VSTM2L: variants seen among roughly 807,000 people sequenced by gnomAD.
VSTM2L encodes V-set and transmembrane domain-containing protein 2-like protein.
In VSTM2L, 9 loss-of-function variants were observed where a neutral mutation model predicts 19.9. That is an observed-to-expected ratio of 0.45 (90% CI 0.27 to 0.79). The LOEUF is 0.79. Among genes scored for constraint, VSTM2L ranks in the 30% least tolerant of loss-of-function variants. The pLI is 0.15. For missense variants in VSTM2L, 286 were observed against 295.5 expected (o/e 0.97, Z 0.24); for synonymous variants, 127 against 133.8 (o/e 0.95, Z 0.35).
chr20:37,914,349 G>A (rs1568835184), intron 1 of VSTM2L, among the ~76,000 whole-genome samples: 11 of 150,646 alleles, frequency 7.3e-5, no homozygotes, highest in Admixed American at 2.0e-4. Flanking sequence ...ATGTGTGCAT[G>A]TGTGTGGGGT....
At chr20:37,907,068 T>G (rs2072755399) in intron 1 of VSTM2L, among the ~76,000 whole-genome samples, 1 of 152,188 alleles carries the variant, frequency 6.6e-6, no homozygotes, top group African/African-American at 2.4e-5. Flanking sequence ...GCTGCCAGAA[T>G]GGTTATTTGA....
intron 3 of VSTM2L, among the ~76,000 whole-genome samples, chr20:37,941,865 C>A (rs1316137692): frequency 2.0e-5 from 3 of 151,216 alleles, no homozygotes; most frequent in African/African-American, 7.3e-5. Flanking sequence ...CCCCTCCCAC[C>A]ACCACCACCC....
chr20:37,943,601 A>T (rs2072986665), intron 3 of VSTM2L, among the ~76,000 whole-genome samples: 1 of 151,924 alleles, frequency 6.6e-6, no homozygotes, highest in South Asian at 2.1e-4. Context: ...CACCCGGAAG[A>T]CCCCAAAACC....
In VSTM2L at chr20:37,944,083, G is replaced by A. The variant is rs1488030828; in HGVS notation, c.445G>A (p.Asp149Asn). 5 of 1,612,938 alleles carry A rather than the reference G, an allele frequency of 3.1e-6. No individual in the cohort carries two copies. The Admixed American group carries it at 6.7e-5, about 22-fold the overall frequency. Residue 149 changes from aspartate (D) to asparagine (N), a missense_variant, in exon 4 of 4, where the codon GAC (aspartate) becomes AAC (asparagine). Physicochemically the swap from Asp to Asn is conservative, Grantham distance 23. Transcript: ENST00000373461. ...CGAGTGCCGCGTCATCGACTTCAGC[G>A]ACGGCAAGGCCCGGCACCACAAGGT... ...TYECRVIDFS[D>N]GKARHHKVKA...
chr20:37,936,480 G>A (rs1246439152), intron 3 of VSTM2L, among the ~76,000 whole-genome samples: 1 of 152,224 alleles, frequency 6.6e-6, no homozygotes, highest in East Asian at 1.9e-4. Flanking sequence ...CTCATAGGGA[G>A]ATCATTTACG....
chr20:37,924,172 G>GGCT (rs1412536724), intron 1 of VSTM2L, among the ~76,000 whole-genome samples: 1 of 152,204 alleles, frequency 6.6e-6, no homozygotes, highest in East Asian at 1.9e-4. Context: ...AGGAGTCCAT[G>GGCT]GCTGCGATGA....
At position 37,903,465 on chromosome 20, in the gene VSTM2L, G is replaced by C; in HGVS notation, c.115G>C (p.Gly39Arg). 2 of 1,477,260 alleles carry C rather than the reference G, an allele frequency of 1.4e-6. No homozygotes were observed. The highest frequency in any genetic ancestry group is 1.8e-6 in the Non-Finnish European group (2 of 1,120,410). 91.5% of individuals were successfully genotyped at this position (1,477,260 alleles called of 1,614,324 possible). The stretch of plus-strand genomic sequence containing the variant: ...CGCGCCCTGGGACAACCACGTCTCC[G>C]GCCACGGTGAGTTCGGTCGCCGCCC... ...GHAPWDNHVSGHALFTETPHD... is the reference protein window; with the variant it reads ...GHAPWDNHVSRHALFTETPHD... Residue 39 changes from glycine to arginine, a missense_variant, in exon 1 of 4, where the codon GGC becomes CGC. Coordinates refer to ENST00000373461, the MANE Select transcript of VSTM2L (RefSeq NM_080607.3).
intron 1 of VSTM2L, among the ~76,000 whole-genome samples, chr20:37,923,644 G>C (rs1373207329): frequency 6.6e-6 from 1 of 152,198 alleles, no homozygotes. Flanking sequence ...AGGGAGGGGG[G>C]CTCAGGGGCC....
chr20:37,943,134 T>C lies in VSTM2L; in HGVS notation c.343-847T>C, dbSNP rs538844956. Among the ~76,000 whole-genome samples, 8 of 152,176 alleles carry C rather than the reference T, an allele frequency of 5.3e-5. No homozygotes were observed. The South Asian group carries it at 1.5e-3, about 28-fold the overall frequency. ...CGGCATGCACCACCACACCCCCGGC[T>C]AGTTTTTGTATTTTTAGTAGAGATG... On this transcript the variant is annotated intron_variant, in intron 3 of 3. Transcript: ENST00000373461.
chr20:37,916,219 G>T (rs1209645924), intron 1 of VSTM2L, among the ~76,000 whole-genome samples: 2 of 152,330 alleles, frequency 1.3e-5, no homozygotes, highest in South Asian at 4.1e-4. Context: ...TAGCTTTGCA[G>T]GATGTACTGG....
intron 1 of VSTM2L, among the ~76,000 whole-genome samples, chr20:37,924,516 T>C (rs1350123521): frequency 1.4e-5 from 2 of 144,402 alleles, no homozygotes; most frequent in African/African-American, 5.2e-5. Flanking sequence ...ATGGCACCAC[T>C]GCACTCCAGC....
chr20:37,942,949 A>ATTATG (rs2072981310), intron 3 of VSTM2L, among the ~76,000 whole-genome samples: 1 of 152,068 alleles, frequency 6.6e-6, no homozygotes, highest in African/African-American at 2.4e-5. Context: ...TTTGTTTTTT[A>ATTATG]TTATGTTATT....
chr20:37,903,840 C>T (rs1179101408), intron 1 of VSTM2L, among the ~76,000 whole-genome samples: 1 of 152,182 alleles, frequency 6.6e-6, no homozygotes, highest in East Asian at 1.9e-4. Flanking sequence ...ACACTTATGC[C>T]CACTACACAC....
In VSTM2L at chr20:37,944,597, T is replaced by TCCC. The variant is rs1175349367; in HGVS notation, c.*347_*349dup. 9.3e-7 allele frequency: 1 copy of TCCC among 1,077,852 alleles called. No individual in the cohort carries two copies. Among genetic ancestry groups the TCCC allele is most frequent in the East Asian group, 6.0e-5 (1 of 16,538 alleles). 66.8% of individuals were successfully genotyped at this position (1,077,852 alleles called of 1,614,324 possible). ...TCCAGTGTTTTGCTTTGCTTGCTTGTCCCCCATCCTGTCCTGAGCCGGGGC... is the reference window on the plus strand; with the variant it reads ...TCCAGTGTTTTGCTTTGCTTGCTTGTCCCCCCCCATCCTGTCCTGAGCCGGGGC... On this transcript the variant is annotated 3_prime_UTR_variant, in exon 4 of 4. Coordinates refer to ENST00000373461, the MANE Select transcript of VSTM2L (RefSeq NM_080607.3).
intron 1 of VSTM2L, among the ~76,000 whole-genome samples, chr20:37,908,396 A>G (rs1019905838): frequency 3.3e-5 from 5 of 152,226 alleles, no homozygotes; most frequent in Admixed American, 3.3e-4. Flanking sequence ...CCTTGGGACC[A>G]TCGTCCCAAG....
intron 1 of VSTM2L, among the ~76,000 whole-genome samples, chr20:37,918,130 G>A (rs903815336): frequency 6.6e-6 from 1 of 152,088 alleles, no homozygotes; most frequent in South Asian, 2.1e-4. Context: ...TTCTCACTAC[G>A]GGCAAGGATG....
intron 1 of VSTM2L, among the ~76,000 whole-genome samples, chr20:37,903,897 C>CA (rs1235691979): frequency 1.3e-5 from 2 of 152,346 alleles, no homozygotes; most frequent in Non-Finnish European, 2.9e-5. Context: ...AGCTGGCGCA[C>CA]ACGCTTCGCC....
chr20:37,926,748 G>C (rs895117687), intron 1 of VSTM2L, among the ~76,000 whole-genome samples: 5 of 152,164 alleles, frequency 3.3e-5, no homozygotes, highest in African/African-American at 1.2e-4. Flanking sequence ...GCCGTGGAAG[G>C]GTTACTCCCT....
Position 37,944,672 on chromosome 20 carries a change from G to T in VSTM2L, c.*419G>T, listed in dbSNP as rs1258106042. The T allele has an allele frequency of 2.0e-6, 2 of 1,002,110 alleles. No homozygotes were observed. The highest frequency in any genetic ancestry group is 1.7e-5 in the African/African-American group (1 of 57,984). The allele number at this position is 1,002,110 out of a possible 1,614,324, so 62.1% of individuals were successfully genotyped here. On this transcript the variant is annotated 3_prime_UTR_variant, in exon 4 of 4. Transcript: ENST00000373461. The stretch of plus-strand genomic sequence containing the variant: ...TACCATCCCTCACTTGGACCTGGGG[G>T]TGTGGACAGTGACCCCTCCCTGAAT...
Sources: allele counts gnomAD v4.1 joint callset (sites outside exome capture counted in the v4.1 genomes callset), GRCh38; gene constraint gnomAD v4.1.1; transcripts MANE v1.5; gene names NCBI Gene and HGNC (gene_info 2026-07-23, HGNC 2026-07-21).